TBC1D24: variants seen among roughly 807,000 people sequenced by gnomAD.
TBC1D24 encodes TBC1 domain family member 24, also known as Infantile myoclonic epilepsy.
Under a neutral mutation model 50.7 loss-of-function variants are expected in TBC1D24, and 47 were observed. The ratio of observed to expected loss-of-function variants is 0.93; its 90% CI spans 0.73 to 1.18. The LOEUF (loss-of-function observed/expected upper bound fraction) is 1.18. TBC1D24 is among the 50% of genes most tolerant of loss of function. TBC1D24 has a pLI of 0.00. For synonymous variants in TBC1D24, 324 were observed against 335.2 expected (o/e 0.97, Z 0.36); for missense variants, 688 against 766.5 (o/e 0.90, Z 1.21).
chr16:2,495,911 C>T, intron 1 of TBC1D24, 123 bp from the exon 2 acceptor site: 1 of 523,374 alleles, frequency 1.9e-6, no homozygotes, highest in Non-Finnish European at 3.4e-6. Context: ...GCACTCCAAC[C>T]TGGGCAACAG....
chr16:2,479,073 T>C (rs1468194761), intron 1 of TBC1D24: 1 of 152,044 alleles, frequency 6.6e-6, no homozygotes, highest in East Asian at 1.9e-4. Flanking sequence ...TTGCATTTTT[T>C]ATAGAGACGG....
At chr16:2,481,149 A>G (rs1567404401) in intron 1 of TBC1D24, 1 of 152,330 alleles carries the variant, frequency 6.6e-6, no homozygotes, top group Admixed American at 6.5e-5. Context: ...TGGCATCGTC[A>G]GTACACCTGA....
chr16:2,497,095 T>A lies in TBC1D24; in HGVS notation c.947T>A (p.Ile316Asn), dbSNP rs1469127413. Residue 316 changes from isoleucine (I) to asparagine (N), a missense_variant, in exon 2 of 8, where the codon ATC becomes AAC. By Grantham distance (149) the Ile-to-Asn change is moderately radical. Coordinates refer to ENST00000646147, the MANE Select transcript of TBC1D24 (RefSeq NM_001199107.2). ...GAGAAAGCCCTGAAGCAGAAGGGCATCACCGTGAAGCAGAAGAGGTAGGTC... is the reference window on the plus strand; with the variant it reads ...GAGAAAGCCCTGAAGCAGAAGGGCAACACCGTGAAGCAGAAGAGGTAGGTC... Reference protein sequence around the residue: ...ANEKALKQKGITVKQKSVSLS... With the variant: ...ANEKALKQKGNTVKQKSVSLS... 6.2e-7 allele frequency: 1 copy of A among 1,605,176 alleles called. No individual in the cohort carries two copies. Among genetic ancestry groups the A allele is most frequent in the Non-Finnish European group, 8.5e-7 (1 of 1,179,954 alleles).
rs1272509334 is a variant in TBC1D24, at chr16:2,500,189, G to C, written c.1303-79G>C. 3 of 1,381,570 alleles carry C rather than the reference G, an allele frequency of 2.2e-6. No individual in the cohort carries two copies. Among genetic ancestry groups the C allele is most frequent in the African/African-American group, 1.4e-5 (1 of 69,830 alleles). The allele number at this position is 1,381,570 out of a possible 1,614,324, so 85.6% of individuals were successfully genotyped here. ...TTGGGCTCTGGGTGCAGATTCACGG[G>C]ATGAAACGGGTTGTGGCTCTGGGGC... On this transcript the variant is annotated intron_variant, in intron 6 of 7. Coordinates refer to ENST00000646147, the MANE Select transcript of TBC1D24 (RefSeq NM_001199107.2). The surrounding 1 kb of genome is among the most constrained non-coding windows in gnomAD (Gnocchi z 8.0).
In TBC1D24 at chr16:2,499,232, G is replaced by C; in HGVS notation, c.1143-125G>C. ...AACACCTGGGTGAGGGTGTTGTCGGGACCCAGAGAGAAGGAAGCACAGTTC... is the reference window on the plus strand; with the variant it reads ...AACACCTGGGTGAGGGTGTTGTCGGCACCCAGAGAGAAGGAAGCACAGTTC... On this transcript the variant is annotated intron_variant, in intron 4 of 7. Transcript: ENST00000646147. The surrounding 1 kb of genome is among the most constrained non-coding windows in gnomAD (Gnocchi z 4.0). 1 of 852,114 alleles carries C rather than the reference G, an allele frequency of 1.2e-6. No individual in the cohort carries two copies. 52.8% of individuals were successfully genotyped at this position (852,114 alleles called of 1,614,324 possible).
rs1285720771 is a variant in TBC1D24, at chr16:2,482,703, T to C, written c.-116+7533T>C. Among the ~76,000 whole-genome samples the C allele has an allele frequency of 1.3e-5, 2 of 152,158 alleles. No homozygotes were observed. Among genetic ancestry groups the C allele is most frequent in the Non-Finnish European group, 2.9e-5 (2 of 68,024 alleles). The stretch of plus-strand genomic sequence containing the variant: ...TCACATGGAGTGTGAATGTTGTGAC[T>C]GTACCGGAGACACCTGGGAAGCAGC... On this transcript the variant is annotated intron_variant, in intron 1 of 7. Coordinates refer to ENST00000646147, the MANE Select transcript of TBC1D24 (RefSeq NM_001199107.2). The surrounding 1 kb of genome is among the most constrained non-coding windows in gnomAD (Gnocchi z 5.2).
At position 2,500,140 on chromosome 16, in the gene TBC1D24, C is replaced by T; in HGVS notation, c.1303-128C>T. On this transcript the variant is annotated intron_variant, in intron 6 of 7. Transcript: ENST00000646147. The surrounding 1 kb of genome is among the most constrained non-coding windows in gnomAD (Gnocchi z 8.0). ...TCTGCTCGAGCCACCAGCTCCCCAG[C>T]CCCTGGCTCGGGCTGCACCCACCTT... is the stretch of plus-strand genomic sequence containing the variant. 1 of 1,056,322 alleles carries T rather than the reference C, an allele frequency of 9.5e-7. No homozygotes were observed. The highest frequency in any genetic ancestry group is 1.4e-5 in the South Asian group (1 of 73,416). 65.4% of individuals were successfully genotyped at this position (1,056,322 alleles called of 1,614,324 possible). A position where few individuals can be genotyped will look rare whatever the true frequency, so the allele number is the denominator to read the frequency against.
rs1354783081 is a variant in TBC1D24 at position 2,486,697 on chromosome 16, G to A, written c.-115-9337G>A. Among the ~76,000 whole-genome samples, 2 of 152,226 alleles carry A rather than the reference G, an allele frequency of 1.3e-5. No homozygotes were observed. Among genetic ancestry groups the A allele is most frequent in the African/African-American group, 4.8e-5 (2 of 41,454 alleles). On this transcript the variant is annotated intron_variant, in intron 1 of 7. Transcript: ENST00000646147. The surrounding 1 kb of genome is among the most constrained non-coding windows in gnomAD (Gnocchi z 5.8). ...TCTGTGCTGTGGGCCTCATCCCCAG[G>A]GCTCTACCTCCAGCCTGAGCTGCTC...
At chr16:2,494,598 C>T (rs766246780) in intron 1 of TBC1D24, among the ~76,000 whole-genome samples, 1 of 151,820 alleles carries the variant, frequency 6.6e-6, no homozygotes, top group East Asian at 1.9e-4. Flanking sequence ...GAGATGGGGT[C>T]TCACCATGTT....
At chr16:2,491,905 G>A (rs543782664) in intron 1 of TBC1D24, among the ~76,000 whole-genome samples, 3 of 152,018 alleles carry the variant, frequency 2.0e-5, no homozygotes, top group South Asian at 2.1e-4. Context: ...GCCATGTTGT[G>A]TGGGCTAGTC....
intron 1 of TBC1D24, among the ~76,000 whole-genome samples, chr16:2,492,538 A>T (rs2065704002): frequency 6.6e-6 from 1 of 152,166 alleles, no homozygotes; most frequent in Admixed American, 6.5e-5. Context: ...ATGGGCCTGG[A>T]GTTCCTCCAG....
rs1015592060 is a variant in TBC1D24 at position 2,482,725 on chromosome 16, C to G, written c.-116+7555C>G. 6.6e-6 allele frequency among the ~76,000 whole-genome samples: 1 copy of G among 152,140 alleles called. No homozygotes were observed. Among genetic ancestry groups the G allele is most frequent in the African/African-American group, 2.4e-5 (1 of 41,420 alleles). On this transcript the variant is annotated intron_variant, in intron 1 of 7. Transcript: ENST00000646147. The surrounding 1 kb of genome is among the most constrained non-coding windows in gnomAD (Gnocchi z 5.2). Reference sequence around the variant, plus strand: ...GACTGTACCGGAGACACCTGGGAAGCAGCTGGAGGGACAGGTCTGGACCTC... The same window carrying G: ...GACTGTACCGGAGACACCTGGGAAGGAGCTGGAGGGACAGGTCTGGACCTC...
chr16:2,504,414 CTTTTTTTTTTT>C lies in TBC1D24; in HGVS notation c.*3468_*3478del, dbSNP rs901354911. 8.0e-6 allele frequency: 1 copy of C among 125,660 alleles called. No homozygotes were observed. The highest frequency in any genetic ancestry group is 3.3e-5 in the African/African-American group (1 of 29,986). 7.8% of individuals were successfully genotyped at this position (125,660 alleles called of 1,614,324 possible). A position where few individuals can be genotyped will look rare whatever the true frequency, so the allele number is the denominator to read the frequency against. ...AACCACAGGCCTATTGAGATTGTCC[CTTTTTTTTTTT>C]TTTTTTTTTTTGAGACAGAGTCTCG... is the stretch of plus-strand genomic sequence containing the variant. On this transcript the variant is annotated 3_prime_UTR_variant, in exon 8 of 8. Transcript: ENST00000646147.
chr16:2,500,778 C>T lies in TBC1D24; in HGVS notation c.1526-26C>T, dbSNP rs761057375. The T allele has an allele frequency of 1.3e-6, 2 of 1,591,354 alleles. No individual in the cohort carries two copies. The highest frequency in any genetic ancestry group is 1.7e-6 in the Non-Finnish European group (2 of 1,175,056). On this transcript the variant is annotated intron_variant, in intron 7 of 7. Coordinates refer to ENST00000646147, the MANE Select transcript of TBC1D24 (RefSeq NM_001199107.2). The surrounding 1 kb of genome is among the most constrained non-coding windows in gnomAD (Gnocchi z 8.0). Reference sequence around the variant, plus strand: ...GGTCAGTGCTGATAGGGCAGTCAGGCCGCCACTGACCTGAGCATCCTGCAG... The same window carrying T: ...GGTCAGTGCTGATAGGGCAGTCAGGTCGCCACTGACCTGAGCATCCTGCAG...
rs1171194378 is a variant in TBC1D24, at chr16:2,503,550, T to G, written c.*2592T>G. ...AAATTATCATTTGTTTTTAGAAACA[T>G]TCAAAGAATTATTTTTTGATTTTTT... On this transcript the variant is annotated 3_prime_UTR_variant, in exon 8 of 8. Coordinates refer to ENST00000646147, the MANE Select transcript of TBC1D24 (RefSeq NM_001199107.2). 6.7e-6 allele frequency: 1 copy of G among 150,088 alleles called. No individual in the cohort carries two copies. The highest frequency in any genetic ancestry group is 2.4e-5 in the African/African-American group (1 of 41,258). The allele number at this position is 150,088 out of a possible 1,614,324, so 9.3% of individuals were successfully genotyped here.
Position 2,496,158 on chromosome 16 carries a change from C to G in TBC1D24, c.10C>G (p.Pro4Ala). 6.2e-7 allele frequency: 1 copy of G among 1,613,892 alleles called. No individual in the cohort carries two copies. The highest frequency in any genetic ancestry group is 1.1e-5 in the South Asian group (1 of 91,060). The change falls in exon 2 of 8, where the codon CCA (proline) becomes GCA (alanine). Residue 4 changes from proline to alanine, a missense_variant. By Grantham distance (27) the Pro-to-Ala change is conservative. Transcript: ENST00000646147. MDS[P>A]GYNCFVDKDK... ...CGAGCACAGCGGCGCTATGGACTCT[C>G]CAGGATACAACTGCTTCGTGGACAA... is the stretch of plus-strand genomic sequence containing the variant.
In TBC1D24 at chr16:2,496,474, G is replaced by A. The variant is rs746543920; in HGVS notation, c.326G>A (p.Arg109His). Residue 109 changes from arginine (R) to histidine (H), a missense_variant, in exon 2 of 8, where the codon CGC becomes CAC. By Grantham distance (29) the Arg-to-His change is conservative (BLOSUM62 0). Transcript: ENST00000646147. ...TQVPSYCLNA[R>H]GEGAVRKILL... ...GTGCCCAGCTACTGCCTGAATGCAC[G>A]CGGCGAGGGGGCCGTGCGCAAGATC... 6.8e-6 allele frequency: 11 copies of A among 1,610,990 alleles called. No homozygotes were observed. The highest frequency in any genetic ancestry group is 8.5e-6 in the Non-Finnish European group (10 of 1,179,914).
chr16:2,500,949 C>T lies in TBC1D24; in HGVS notation c.1671C>T (p.Asp557=), dbSNP rs2065788720. 1.2e-6 allele frequency: 2 copies of T among 1,610,914 alleles called. No individual in the cohort carries two copies. The highest frequency in any genetic ancestry group is 2.2e-5 in the East Asian group (1 of 44,884). The change falls in exon 8 of 8, where the codon GAC becomes GAT. Residue 557 remains aspartate, a synonymous_variant. Transcript: ENST00000646147. This position sits in a 1 kb window ranked among gnomAD's most constrained non-coding sequence, Gnocchi z 8.0. ...AVEAWGFQDP[D]TQ ...AGGCCTGGGGCTTCCAGGACCCTGA[C>T]ACCCAGTGACGGCCTGTGCCACGGT...
intron 1 of TBC1D24, 114 bp from the exon 2 acceptor site, chr16:2,495,920 A>C: frequency 1.8e-6 from 1 of 546,722 alleles, no homozygotes; most frequent in Non-Finnish European, 3.2e-6. Context: ...CCTGGGCAAC[A>C]GAGCGAGACC....
Sources: allele counts gnomAD v4.1 joint callset (sites outside exome capture counted in the v4.1 genomes callset), GRCh38; gene constraint gnomAD v4.1.1; non-coding constraint Gnocchi (gnomAD v3.1); transcripts MANE v1.5; gene names NCBI Gene and HGNC (gene_info 2026-07-23, HGNC 2026-07-21).